MARCHF1: variants seen among roughly 807,000 people sequenced by gnomAD.
MARCHF1 encodes membrane associated ring-CH-type finger 1.
A neutral mutation model predicts 54.2 loss-of-function variants in MARCHF1; 40 were observed. The ratio of observed to expected loss-of-function variants is 0.74; its 90% confidence interval spans 0.57 to 0.96. The LOEUF is 0.96. MARCHF1 is among the 40% of genes least tolerant of loss of function. The pLI, the probability that MARCHF1 is intolerant of heterozygous loss-of-function variation, is 0.00. For missense variants in MARCHF1, 586 were observed against 656.5 expected (o/e 0.89, Z 1.17); for synonymous variants, 236 against 236.3 (o/e 1.00, Z 0.01).
intron 5 of MARCHF1, among the ~76,000 whole-genome samples, chr4:163,636,139 T>A (rs1356695220): frequency 6.6e-6 from 1 of 152,150 alleles, no homozygotes; most frequent in Non-Finnish European, 1.5e-5. Context: ...GCCAATATCA[T>A]ACTGAATGGG....
At chr4:164,165,362 G>C (rs5004287) in intron 1 of MARCHF1, among the ~76,000 whole-genome samples, 8 of 148,752 alleles carry the variant, frequency 5.4e-5, no homozygotes, top group South Asian at 4.2e-4. Context: ...TTTTCTCTCT[G>C]TCTCTCTCTC....
intron 2 of MARCHF1, among the ~76,000 whole-genome samples, chr4:164,099,366 A>C (rs529167955): frequency 1.3e-5 from 2 of 152,330 alleles, no homozygotes; most frequent in South Asian, 4.1e-4. Context: ...GTGGAAAAAT[A>C]CTATGTCTGT....
rs148627466 is a variant in MARCHF1 at position 164,093,961 on chromosome 4, C to T, written c.-248+17627G>A. Among the ~76,000 whole-genome samples the T allele has an allele frequency of 3.4e-3, 522 of 152,158 alleles. 6 individuals carry two copies. The highest frequency in any genetic ancestry group is 0.012 in the African/African-American group (484 of 41,512). On this transcript the variant is annotated intron_variant, in intron 2 of 9. Coordinates refer to ENST00000514618, the MANE Select transcript of MARCHF1 (RefSeq NM_001394959.1). ...CAATATAATATTAATATCATATGTT[C>T]TGTGTTCGAAATAACTAGTGTTATT...
At chr4:163,660,445 C>CTAA in intron 5 of MARCHF1, among the ~76,000 whole-genome samples, 1 of 151,972 alleles carries the variant, frequency 6.6e-6, no homozygotes, top group Admixed American at 6.6e-5. Flanking sequence ...GGACAAAGAC[C>CTAA]TAATGCATGA....
At position 164,016,975 on chromosome 4, in the gene MARCHF1, A is replaced by T. The variant is rs1423851495; in HGVS notation, c.-247-28266T>A. 7.2e-5 allele frequency among the ~76,000 whole-genome samples: 11 copies of T among 152,176 alleles called. No homozygotes were observed. The East Asian group carries it at 2.1e-3, about 29-fold the overall frequency. Reference sequence around the variant, plus strand: ...TAATTAAAAACTAAAAATTGGAAAAAACCCTCATGAACCTAAAGTCCAAAA... The same window carrying T: ...TAATTAAAAACTAAAAATTGGAAAATACCCTCATGAACCTAAAGTCCAAAA... On this transcript the variant is annotated intron_variant, in intron 2 of 9. Coordinates refer to ENST00000514618, the MANE Select transcript of MARCHF1 (RefSeq NM_001394959.1).
At chr4:164,241,778 C>T (rs1413900990) in intron 1 of MARCHF1, among the ~76,000 whole-genome samples, 2 of 152,110 alleles carry the variant, frequency 1.3e-5, no homozygotes, top group African/African-American at 2.4e-5. Context: ...GCGCACAGTG[C>T]GCGAGCCGAA....
At chr4:163,643,742 T>C (rs1044882046) in intron 5 of MARCHF1, among the ~76,000 whole-genome samples, 7 of 152,200 alleles carry the variant, frequency 4.6e-5, no homozygotes, top group African/African-American at 1.7e-4. Context: ...TTCAATTATT[T>C]ACATTTCTTG....
At chr4:163,609,800 C>A (rs1741273080) in intron 7 of MARCHF1, among the ~76,000 whole-genome samples, 2 of 151,812 alleles carry the variant, frequency 1.3e-5, no homozygotes, top group African/African-American at 4.8e-5. Flanking sequence ...GAGGGAAGCA[C>A]AATCCCCTTG....
chr4:164,169,971 T>C (rs185003148), intron 1 of MARCHF1, among the ~76,000 whole-genome samples: 2 of 152,096 alleles, frequency 1.3e-5, no homozygotes. Flanking sequence ...CTCATGCCAT[T>C]TTCTGGCCAG....
intron 4 of MARCHF1, among the ~76,000 whole-genome samples, chr4:163,832,274 T>G (rs74684437): frequency 0.015 from 2,215 of 152,278 alleles, 47 homozygotes; most frequent in African/African-American, 0.047. Context: ...TTAGGACTCA[T>G]CAAGGTCAAA....
intron 2 of MARCHF1, among the ~76,000 whole-genome samples, chr4:164,010,389 G>T (rs1361446794): frequency 6.6e-6 from 1 of 151,774 alleles, no homozygotes; most frequent in African/African-American, 2.4e-5. Context: ...GAGCCACTGT[G>T]CCCGGCCAAA....
chr4:163,909,904 C>A (rs982973492), intron 3 of MARCHF1, among the ~76,000 whole-genome samples: 1 of 152,152 alleles, frequency 6.6e-6, no homozygotes, highest in Non-Finnish European at 1.5e-5. Context: ...CCTCAACAAT[C>A]AGTACATTGA....
chr4:164,381,069 T>A (rs918130431), intron 1 of MARCHF1, among the ~76,000 whole-genome samples: 43 of 152,170 alleles, frequency 2.8e-4, no homozygotes, highest in Non-Finnish European at 2.9e-5. Context: ...TCATACAGGA[T>A]CTTTCCATGG....
chr4:164,171,090 A>G (rs1730513582), intron 1 of MARCHF1, among the ~76,000 whole-genome samples: 1 of 152,206 alleles, frequency 6.6e-6, no homozygotes, highest in African/African-American at 2.4e-5. Context: ...ATTTTTTATC[A>G]TTCAATAAAT....
At chr4:163,629,933 T>C (rs1334484632) in intron 5 of MARCHF1, among the ~76,000 whole-genome samples, 1 of 152,208 alleles carries the variant, frequency 6.6e-6, no homozygotes, top group Non-Finnish European at 1.5e-5. Context: ...ATATAACCAT[T>C]AGAAGAGCTA....
intron 3 of MARCHF1, among the ~76,000 whole-genome samples, chr4:163,893,286 C>CT (rs1750704118): frequency 6.6e-6 from 1 of 152,028 alleles, no homozygotes; most frequent in Non-Finnish European, 1.5e-5. Flanking sequence ...TTACAGGCAC[C>CT]TGCCACCACA....
At chr4:164,214,166 T>TA (rs10699491) in intron 1 of MARCHF1, among the ~76,000 whole-genome samples, 16,656 of 151,586 alleles carry the variant, frequency 0.11, 1,138 homozygotes, top group African/African-American at 0.19. Flanking sequence ...AATGAAAAAG[T>TA]AAAAAAAATT....
intron 7 of MARCHF1, among the ~76,000 whole-genome samples, chr4:163,586,603 T>C (rs1740421888): frequency 6.6e-6 from 1 of 152,226 alleles, no homozygotes; most frequent in Admixed American, 6.5e-5. Flanking sequence ...CAATGCACTG[T>C]CATTTAATTC....
intron 2 of MARCHF1, among the ~76,000 whole-genome samples, chr4:164,091,433 T>A (rs943341901): frequency 6.8e-6 from 1 of 146,982 alleles, no homozygotes; most frequent in Non-Finnish European, 1.5e-5. Context: ...TATATATGTA[T>A]AAAATGAATT....
Sources: allele counts gnomAD v4.1 joint callset (sites outside exome capture counted in the v4.1 genomes callset), GRCh38; gene constraint gnomAD v4.1.1; transcripts MANE v1.5; gene names NCBI Gene and HGNC (gene_info 2026-07-23, HGNC 2026-07-21).